The following XPO6 variants were observed in gnomAD, a reference collection of about 807,000 sequenced individuals.
The protein encoded by XPO6 is exportin-6.
Under a neutral mutation model 130.0 loss-of-function variants are expected in XPO6, and 3 were observed. That is an observed-to-expected ratio of 0.02 (90% confidence interval 0.01 to 0.06). The LOEUF (loss-of-function observed/expected upper bound fraction) is 0.06. Among genes scored for constraint, XPO6 ranks in the 10% least tolerant of loss-of-function variants. XPO6 has a pLI of 1.00. For missense variants in XPO6, 970 were observed against 1,393.0 expected, an observed-to-expected ratio of 0.70 and a Z score of 4.83; for synonymous variants, 524 against 548.9, an observed-to-expected ratio of 0.95 and a Z score of 0.63.
intron 15 of XPO6, chr16:28,117,049 A>G (rs899266617): frequency 5.1e-6 from 2 of 394,562 alleles, no homozygotes; most frequent in African/African-American, 4.0e-5. Flanking sequence ...AGGTATCACA[A>G]CTTTTTAGTC....
chr16:28,161,854 C>G lies in XPO6; in HGVS notation c.643+4654G>C, dbSNP rs573470952. Among the ~76,000 whole-genome samples, 242 of 152,042 alleles carry G rather than the reference C, an allele frequency of 1.6e-3. 1 individual carries two copies. The highest frequency in any genetic ancestry group is 8.1e-3 in the South Asian group (39 of 4,800). ...CAAAACCAATGTTTCCTTCCAAAAA[C>G]CAAGTTAACTGGAAAGATTATGCAA... On this transcript the variant is annotated intron_variant, in intron 6 of 23. Transcript: ENST00000304658.
rs544393314 is a variant in XPO6, at chr16:28,145,034, C to T, written c.1334+1060G>A. 2.0e-5 allele frequency among the ~76,000 whole-genome samples: 3 copies of T among 152,246 alleles called. No homozygotes were observed. In the East Asian group the frequency reaches 5.8e-4, roughly 29 times the overall value. On this transcript the variant is annotated intron_variant, in intron 9 of 23. Coordinates refer to ENST00000304658, the MANE Select transcript of XPO6 (RefSeq NM_015171.4). ...CTGTGCAAAGAAGTAGGAGCTATAACCAAACTGAGTAAAATCTGCAGGCAC... is the reference window on the plus strand; with the variant it reads ...CTGTGCAAAGAAGTAGGAGCTATAATCAAACTGAGTAAAATCTGCAGGCAC...
Position 28,211,445 on chromosome 16 carries a change from T to C in XPO6, c.-77A>G. The stretch of plus-strand genomic sequence containing the variant: ...CGTCCCGCTCGCACAGTTCAGGTCA[T>C]GGTCCCGGCAGACTCGGGAAGTCCC... On this transcript the variant is annotated 5_prime_UTR_variant, in exon 1 of 24. It removes an upstream start codon present in the reference 5' UTR. Coordinates refer to ENST00000304658, the MANE Select transcript of XPO6 (RefSeq NM_015171.4). The C allele has an allele frequency of 9.2e-6, 12 of 1,302,226 alleles. No individual in the cohort carries two copies. Among genetic ancestry groups the C allele is most frequent in the South Asian group, 3.3e-5 (1 of 30,360 alleles). The allele number at this position is 1,302,226 out of a possible 1,614,324, so 80.7% of individuals were successfully genotyped here.
chr16:28,113,718 T>C (rs1215520506), intron 15 of XPO6, among the ~76,000 whole-genome samples: 1 of 152,180 alleles, frequency 6.6e-6, no homozygotes, highest in African/African-American at 2.4e-5. Flanking sequence ...TAACCTATAA[T>C]ACTTACTCTA....
intron 2 of XPO6, among the ~76,000 whole-genome samples, chr16:28,178,671 C>A (rs960882090): frequency 1.3e-5 from 2 of 151,770 alleles, no homozygotes; most frequent in African/African-American, 4.8e-5. Flanking sequence ...GAAGCTTTAG[C>A]CCAGGAGGCC....
chr16:28,194,224 G>T (rs1485450258), intron 1 of XPO6, among the ~76,000 whole-genome samples: 1 of 151,404 alleles, frequency 6.6e-6, no homozygotes, highest in African/African-American at 2.4e-5. Context: ...GTGAGTCAAT[G>T]AGCTTAAAAA....
chr16:28,131,718 G>A (rs995398267), intron 12 of XPO6, among the ~76,000 whole-genome samples: 1 of 152,198 alleles, frequency 6.6e-6, no homozygotes, highest in African/African-American at 2.4e-5. Flanking sequence ...CTCACAGGAC[G>A]ATGGAGAGAA....
intron 10 of XPO6, 67 bp from the exon 11 acceptor site, chr16:28,134,000 C>A: frequency 6.7e-7 from 1 of 1,493,636 alleles, no homozygotes; most frequent in Non-Finnish European, 9.3e-7. Context: ...AACCTCAAGA[C>A]CACTCTCAGA....
chr16:28,170,056 G>C, intron 4 of XPO6, 147 bp from the exon 5 acceptor site: 1 of 1,085,822 alleles, frequency 9.2e-7, no homozygotes, highest in South Asian at 1.6e-5. Flanking sequence ...TTAGAGGCCA[G>C]CTCCAATGGC....
chr16:28,112,314 G>T (rs536726721), intron 16 of XPO6, among the ~76,000 whole-genome samples: 1 of 152,176 alleles, frequency 6.6e-6, no homozygotes, highest in South Asian at 2.1e-4. Context: ...CTCAGGCATT[G>T]TTCAGCTGGT....
intron 18 of XPO6, 48 bp downstream of exon 18, chr16:28,107,474 G>A (rs1174904883): frequency 2.5e-6 from 4 of 1,607,312 alleles, no homozygotes; most frequent in Non-Finnish European, 3.4e-6. Context: ...GGGTATTCTG[G>A]CCCTTGTTAG....
intron 1 of XPO6, among the ~76,000 whole-genome samples, chr16:28,184,826 G>A (rs74014248): frequency 0.059 from 8,937 of 152,242 alleles, 655 homozygotes; most frequent in East Asian, 0.17. Flanking sequence ...GCACATGCAT[G>A]TACTGCTGGT....
In XPO6 at chr16:28,098,324, C is replaced by A. The variant is rs941358551; in HGVS notation, c.*214G>T. On this transcript the variant is annotated 3_prime_UTR_variant, in exon 24 of 24. Coordinates refer to ENST00000304658, the MANE Select transcript of XPO6 (RefSeq NM_015171.4). ...ACACACCCCTCCGCCTGCTCCAACG[C>A]CCTGGGAGCACCGTCCAGTGCTCAG... 9.8e-6 allele frequency: 5 copies of A among 511,536 alleles called. No individual in the cohort carries two copies. Among genetic ancestry groups the A allele is most frequent in the African/African-American group, 9.7e-5 (5 of 51,618 alleles). 31.7% of individuals were successfully genotyped at this position (511,536 alleles called of 1,614,324 possible).
rs576435508 is a variant in XPO6, at chr16:28,116,478, A to AC, written c.2004+839dup. Reference sequence around the variant, plus strand: ...CTCCATCTCAACAACAACAAAAACGACAAAAAAAAAAAAAAAAGAGCCTTT... The same window carrying AC: ...CTCCATCTCAACAACAACAAAAACGACCAAAAAAAAAAAAAAAAGAGCCTTT... On this transcript the variant is annotated intron_variant, in intron 15 of 23. Coordinates refer to ENST00000304658, the MANE Select transcript of XPO6 (RefSeq NM_015171.4). 4.8e-3 allele frequency among the ~76,000 whole-genome samples: 687 copies of AC among 143,634 alleles called. 2 individuals carry two copies. Among genetic ancestry groups the AC allele is most frequent in the African/African-American group, 0.018 (663 of 36,420 alleles). The allele number at this position is 143,634 out of a possible 152,430, so 94.2% of individuals were successfully genotyped here.
At chr16:28,174,804 C>T (rs1412242677) in intron 4 of XPO6, among the ~76,000 whole-genome samples, 1 of 152,174 alleles carries the variant, frequency 6.6e-6, no homozygotes. Flanking sequence ...TTTCAAAGAA[C>T]TTTATTTCTA....
At chr16:28,150,749 A>G (rs2043071262) in intron 8 of XPO6, among the ~76,000 whole-genome samples, 1 of 152,010 alleles carries the variant, frequency 6.6e-6, no homozygotes, top group African/African-American at 2.4e-5. Flanking sequence ...CAGCTCCCTC[A>G]TTTCTGTTAC....
chr16:28,164,515 A>G (rs188883900), intron 6 of XPO6, among the ~76,000 whole-genome samples: 3 of 152,350 alleles, frequency 2.0e-5, no homozygotes, highest in East Asian at 3.9e-4. Flanking sequence ...AAAAGCTTAC[A>G]TAACTCCCTA....
intron 12 of XPO6, among the ~76,000 whole-genome samples, chr16:28,129,107 C>G (rs777646267): frequency 1.3e-5 from 2 of 152,098 alleles, no homozygotes; most frequent in Non-Finnish European, 2.9e-5. Context: ...CACTTCTGAC[C>G]CAACAAAACT....
At chr16:28,199,087 C>T (rs145508437) in intron 1 of XPO6, among the ~76,000 whole-genome samples, 8,248 of 152,108 alleles carry the variant, frequency 0.054, 573 homozygotes, top group East Asian at 0.17. Flanking sequence ...TTGCAGTGAG[C>T]TGAGATCGTG....
Sources: gnomAD v4.1 joint callset for allele counts (sites outside exome capture counted in the v4.1 genomes callset) on GRCh38, gnomAD v4.1.1 for gene constraint, MANE v1.5 for transcripts, NCBI Gene and HGNC (gene_info 2026-07-23, HGNC 2026-07-21) for gene names.